Variants in CBX8 observed in about 807,000 individuals in gnomAD.
The protein encoded by CBX8 is chromobox 8.
CBX8 carries 8 observed loss-of-function variants against 39.7 expected under a neutral mutation model. The ratio of observed to expected loss-of-function variants is 0.20; its 90% confidence interval spans 0.12 to 0.36. The LOEUF is 0.36. Among genes scored for constraint, CBX8 ranks in the 10% least tolerant of loss-of-function variants. CBX8 has a pLI of 1.00. For synonymous variants in CBX8, 268 were observed against 219.8 expected, an observed-to-expected ratio of 1.22 and a Z score of -1.94; for missense variants, 505 against 529.6, an observed-to-expected ratio of 0.95 and a Z score of 0.46.
rs948689373 is a variant in CBX8 at position 79,793,020 on chromosome 17, G to A, written c.*1615C>T. The A allele has an allele frequency of 3.3e-5, 5 of 152,278 alleles. No individual in the cohort carries two copies. Among genetic ancestry groups the A allele is most frequent in the African/African-American group, 1.2e-4 (5 of 41,466 alleles). The allele number at this position is 152,278 out of a possible 1,614,324, so 9.4% of individuals were successfully genotyped here. A position where few individuals can be genotyped will look rare whatever the true frequency, so the allele number is the denominator to read the frequency against. ...GATCTTCGCTGGCCCTTTAAGGGCG[G>A]GGAGGGCAGGGAGGCTGCGGGATCC... On this transcript the variant is annotated 3_prime_UTR_variant, in exon 5 of 5. Coordinates refer to ENST00000269385, the MANE Select transcript of CBX8 (RefSeq NM_020649.3).
At position 79,794,518 on chromosome 17, in the gene CBX8, T is replaced by C; in HGVS notation, c.*117A>G. Reference sequence around the variant, plus strand: ...ATGAAAGGGGCTGGTGGGGTGGGGGTGACATCAGGGACGGGACCAGCCAAA... The same window carrying C: ...ATGAAAGGGGCTGGTGGGGTGGGGGCGACATCAGGGACGGGACCAGCCAAA... On this transcript the variant is annotated 3_prime_UTR_variant, in exon 5 of 5. Coordinates refer to ENST00000269385, the MANE Select transcript of CBX8 (RefSeq NM_020649.3). The C allele has an allele frequency of 1.5e-6, 1 of 659,218 alleles. No individual in the cohort carries two copies. Among genetic ancestry groups the C allele is most frequent in the Non-Finnish European group, 2.5e-6 (1 of 399,528 alleles). The allele number at this position is 659,218 out of a possible 1,614,324, so 40.8% of individuals were successfully genotyped here.
Position 79,795,691 on chromosome 17 carries a change from G to T in CBX8, c.247-133C>A, listed in dbSNP as rs1375580587. 3.4e-6 allele frequency: 1 copy of T among 292,606 alleles called. No homozygotes were observed. The highest frequency in any genetic ancestry group is 5.2e-5 in the Admixed American group (1 of 19,382). 18.1% of individuals were successfully genotyped at this position (292,606 alleles called of 1,614,324 possible). On this transcript the variant is annotated intron_variant, in intron 4 of 4. Coordinates refer to ENST00000269385, the MANE Select transcript of CBX8 (RefSeq NM_020649.3). This position sits in a 1 kb window ranked among gnomAD's most constrained non-coding sequence, Gnocchi z 5.8. ...TTCTACATGGATGCATGGATGGGTG[G>T]GTGGGTGGGTGGGTGGATGGCTGGA...
rs546397320 is a variant in CBX8 at position 79,796,556 on chromosome 17, C to A, written c.70-16G>T. 7.2e-5 allele frequency: 117 copies of A among 1,614,002 alleles called. 2 individuals carry two copies. In the South Asian group the frequency reaches 1.2e-3, roughly 17 times the overall value. On this transcript the variant is annotated splice_polypyrimidine_tract_variant and intron_variant, in intron 1 of 4. Transcript: ENST00000269385. ...CCATGCGTCCCTGCGGGTGCAAAGGCGATAATGTGTGTGCATGGGGAGAAA... is the reference window on the plus strand; with the variant it reads ...CCATGCGTCCCTGCGGGTGCAAAGGAGATAATGTGTGTGCATGGGGAGAAA...
chr17:79,796,677 C>G (rs915156156), intron 1 of CBX8, 137 bp from the exon 2 acceptor site: 2 of 971,702 alleles, frequency 2.1e-6, no homozygotes, highest in Non-Finnish European at 3.3e-6. Context: ...CTGCATCACC[C>G]CTGCACCTAA....
Position 79,794,819 on chromosome 17 carries a change from C to G in CBX8, c.986G>C (p.Gly329Ala). The change falls in exon 5 of 5, where the codon GGA (glycine) becomes GCA (alanine). Residue 329 changes from glycine to alanine, a missense_variant. This residue lies in a region of CBX8 where 456 missense variants were observed against 389.2 expected (regional missense o/e 1.17). Transcript: ENST00000269385. ...GATCCTGGCGATGAGGGAGGGCCTT[C>G]CCCCCTGGGCCCCCATGTCCCGGTA... Reference protein sequence around the residue: ...GLYRDMGAQGGRPSLIARIPV... With the variant: ...GLYRDMGAQGARPSLIARIPV... The G allele has an allele frequency of 1.2e-6, 2 of 1,608,330 alleles. No homozygotes were observed. Among genetic ancestry groups the G allele is most frequent in the Non-Finnish European group, 1.7e-6 (2 of 1,177,170 alleles).
rs1300271679 is a variant in CBX8 at position 79,794,420 on chromosome 17, A to G, written c.*215T>C. On this transcript the variant is annotated 3_prime_UTR_variant, in exon 5 of 5. Transcript: ENST00000269385. ...TATTTAGATATTTTTCTTAAATAACATATTTACATCTAATAGAAAATATAA... is the reference window on the plus strand; with the variant it reads ...TATTTAGATATTTTTCTTAAATAACGTATTTACATCTAATAGAAAATATAA... The G allele has an allele frequency of 1.7e-5, 6 of 351,756 alleles. No homozygotes were observed. The highest frequency in any genetic ancestry group is 2.5e-5 in the Non-Finnish European group (5 of 196,546). 21.8% of individuals were successfully genotyped at this position (351,756 alleles called of 1,614,324 possible).
chr17:79,795,014 G>A lies in CBX8; in HGVS notation c.791C>T (p.Thr264Ile). The change falls in exon 5 of 5, where the codon ACC becomes ATC. Residue 264 changes from threonine to isoleucine, a missense_variant. Coordinates refer to ENST00000269385, the MANE Select transcript of CBX8 (RefSeq NM_020649.3). The surrounding 1 kb of genome is among the most constrained non-coding windows in gnomAD (Gnocchi z 5.8). ...QDSDLVQCGV[T>I]SPSSAEATGK... ...CGTGGCCTCAGCTGAGCTAGGGCTG[G>A]TCACACCACACTGCACCAGGTCCGA... is the stretch of plus-strand genomic sequence containing the variant. 6.2e-7 allele frequency: 1 copy of A among 1,607,100 alleles called. No individual in the cohort carries two copies. The highest frequency in any genetic ancestry group is 8.5e-7 in the Non-Finnish European group (1 of 1,176,414).
At position 79,795,508 on chromosome 17, in the gene CBX8, G is replaced by A. The variant is rs1161985792; in HGVS notation, c.297C>T (p.Ala99=). Residue 99 remains alanine, a synonymous_variant, in exon 5 of 5, where the codon GCC becomes GCT. Transcript: ENST00000269385. The surrounding 1 kb of genome is among the most constrained non-coding windows in gnomAD (Gnocchi z 5.8). The part of the protein sequence containing the change: ...AKTYEFRSDS[A]RGIRIPYPGR... ...CAGGGTAGGGGATCCGGATGCCCCT[G>A]GCTGAGTCACTTCGAAACTCGTAAG... is the stretch of plus-strand genomic sequence containing the variant. The A allele has an allele frequency of 6.5e-7, 1 of 1,547,676 alleles. No individual in the cohort carries two copies. Among genetic ancestry groups the A allele is most frequent in the South Asian group, 1.2e-5 (1 of 80,658 alleles).
chr17:79,796,665 CGCT>C lies in CBX8; in HGVS notation c.70-128_70-126del. On this transcript the variant is annotated intron_variant, in intron 1 of 4. Coordinates refer to ENST00000269385, the MANE Select transcript of CBX8 (RefSeq NM_020649.3). ...AACCCCGCCGCAAAAGGCACGCGCC[CGCT>C]GCATCACCCCTGCACCTAATGCTGC... The C allele has an allele frequency of 2.8e-6, 3 of 1,064,146 alleles. No homozygotes were observed. The South Asian group carries it at 3.8e-5, about 14-fold the overall frequency. The allele number at this position is 1,064,146 out of a possible 1,614,324, so 65.9% of individuals were successfully genotyped here. A position where few individuals can be genotyped will look rare whatever the true frequency, so the allele number is the denominator to read the frequency against.
rs1450735053 is a variant in CBX8 at position 79,795,366 on chromosome 17, G to A, written c.439C>T (p.Pro147Ser). Residue 147 changes from proline to serine, a missense_variant, in exon 5 of 5, where the codon CCT (proline) becomes TCT (serine). This residue lies in a region of CBX8 where 456 missense variants were observed against 389.2 expected (regional missense o/e 1.17). Coordinates refer to ENST00000269385, the MANE Select transcript of CBX8 (RefSeq NM_020649.3). The surrounding 1 kb of genome is among the most constrained non-coding windows in gnomAD (Gnocchi z 5.8). The part of the protein sequence containing the change: ...STSSTCRAEA[P>S]RDRDRDRDRD... Reference sequence around the variant, plus strand: ...TCCCGGTCTCGGTCCCGGTCCCGAGGGGCCTCTGCGCGGCAGGTGCTGCTG... The same window carrying A: ...TCCCGGTCTCGGTCCCGGTCCCGAGAGGCCTCTGCGCGGCAGGTGCTGCTG... The A allele has an allele frequency of 5.0e-6, 8 of 1,596,232 alleles. No homozygotes were observed. Among genetic ancestry groups the A allele is most frequent in the Non-Finnish European group, 6.8e-6 (8 of 1,172,000 alleles).
At position 79,795,450 on chromosome 17, in the gene CBX8, G is replaced by A. The variant is rs748554256; in HGVS notation, c.355C>T (p.Arg119Trp). ...RSPQDLASTS[R>W]AREGLRNMGL... Reference sequence around the variant, plus strand: ...ATGTTTCGAAGGCCCTCCCGGGCCCGGGAAGTGGAGGCCAGGTCCTGGGGC... The same window carrying A: ...ATGTTTCGAAGGCCCTCCCGGGCCCAGGAAGTGGAGGCCAGGTCCTGGGGC... Residue 119 changes from arginine to tryptophan, a missense_variant, in exon 5 of 5, where the codon CGG becomes TGG. This residue lies in a region of CBX8 where 456 missense variants were observed against 389.2 expected (regional missense o/e 1.17). Transcript: ENST00000269385. This position sits in a 1 kb window ranked among gnomAD's most constrained non-coding sequence, Gnocchi z 5.8. 9.3e-6 allele frequency: 15 copies of A among 1,605,966 alleles called. No homozygotes were observed. The highest frequency in any genetic ancestry group is 2.7e-5 in the African/African-American group (2 of 74,828).
chr17:79,794,980 C>T lies in CBX8; in HGVS notation c.825G>A (p.Leu275=). 1 of 1,605,694 alleles carries T rather than the reference C, an allele frequency of 6.2e-7. No homozygotes were observed. The highest frequency in any genetic ancestry group is 8.5e-7 in the Non-Finnish European group (1 of 1,175,482). ...CCCTGGCCGGGAAGGTGTCCACAGC[C>T]AGTTTGCCCGTGGCCTCAGCTGAGC... The part of the protein sequence containing the change: ...SPSSAEATGK[L]AVDTFPARVI... Residue 275 remains leucine, a synonymous_variant, in exon 5 of 5, where the codon CTG becomes CTA. Transcript: ENST00000269385.
chr17:79,795,328 C>CTCCCGGTCCCTATCCCGGTCTCGG lies in CBX8; in HGVS notation c.453_476dup (p.Asp151_Arg158dup), dbSNP rs781363870. 6.3e-7 allele frequency: 1 copy of CTCCCGGTCCCTATCCCGGTCTCGG among 1,582,542 alleles called. No individual in the cohort carries two copies. Among genetic ancestry groups the CTCCCGGTCCCTATCCCGGTCTCGG allele is most frequent in the Admixed American group, 1.8e-5 (1 of 54,420 alleles). On this transcript the variant is annotated inframe_insertion, in exon 5 of 5. Transcript: ENST00000269385. The surrounding 1 kb of genome is among the most constrained non-coding windows in gnomAD (Gnocchi z 5.8). ...GCTCCCTCTCCCTTTCTCGATCCCG[C>CTCCCGGTCCCTATCCCGGTCTCGG]TCCCGGTCCCTATCCCGGTCTCGGT...
rs377225412 is a variant in CBX8, at chr17:79,795,290, C to T, written c.515G>A (p.Arg172Gln). Residue 172 changes from arginine to glutamine, a missense_variant, in exon 5 of 5, where the codon CGG (arginine) becomes CAG (glutamine). Around this residue, in one of 3 missense-constraint regions of CBX8, gnomAD observed 456 missense variants for 389.2 expected, o/e 1.17. Coordinates refer to ENST00000269385, the MANE Select transcript of CBX8 (RefSeq NM_020649.3). The surrounding 1 kb of genome is among the most constrained non-coding windows in gnomAD (Gnocchi z 5.8). ...CCGCTCTCGTTCCCTCTCACGTTCC[C>T]GCTCCCTCTCTCGCTCCCTCTCCCT... ...RERERERERE[R>Q]ERERERERGT... The T allele has an allele frequency of 1.3e-6, 2 of 1,596,520 alleles. No homozygotes were observed. The highest frequency in any genetic ancestry group is 1.7e-6 in the Non-Finnish European group (2 of 1,171,482).
chr17:79,795,941 C>G lies in CBX8; in HGVS notation c.246+116G>C. The G allele has an allele frequency of 2.2e-6, 2 of 917,082 alleles. No individual in the cohort carries two copies. The highest frequency in any genetic ancestry group is 3.5e-6 in the Non-Finnish European group (2 of 573,002). 56.8% of individuals were successfully genotyped at this position (917,082 alleles called of 1,614,324 possible). A position where few individuals can be genotyped will look rare whatever the true frequency, so the allele number is the denominator to read the frequency against. On this transcript the variant is annotated intron_variant, in intron 4 of 4. Transcript: ENST00000269385. This position sits in a 1 kb window ranked among gnomAD's most constrained non-coding sequence, Gnocchi z 5.8. ...TGACATCTTGTCAGGGAACTCCCTCCTACATTACAAATAGGCAACATGTGT... is the reference window on the plus strand; with the variant it reads ...TGACATCTTGTCAGGGAACTCCCTCGTACATTACAAATAGGCAACATGTGT...
In CBX8 at chr17:79,794,824, C is replaced by G. The variant is rs1040551439; in HGVS notation, c.981G>C (p.Gln327His). 3 of 1,610,354 alleles carry G rather than the reference C, an allele frequency of 1.9e-6. No individual in the cohort carries two copies. In the Admixed American group the frequency reaches 5.1e-5, roughly 27 times the overall value. The change falls in exon 5 of 5, where the codon CAG becomes CAC. Residue 327 changes from glutamine (Q) to histidine (H), a missense_variant. Transcript: ENST00000269385. ...TGGCGATGAGGGAGGGCCTTCCCCC[C>G]TGGGCCCCCATGTCCCGGTACAGGC... ...GGGLYRDMGA[Q>H]GGRPSLIARI...
chr17:79,795,235 G>A lies in CBX8; in HGVS notation c.570C>T (p.Ser190=), dbSNP rs769294776. ...RGTSRVDDKP[S]SPGDSSKKRG... is the part of the protein sequence containing the mutation. ...GCTTCTTCGAGCTGTCCCCCGGTGAGCTGGGCTTGTCATCCACTCTGCTGG... is the reference window on the plus strand; with the variant it reads ...GCTTCTTCGAGCTGTCCCCCGGTGAACTGGGCTTGTCATCCACTCTGCTGG... The change falls in exon 5 of 5, where the codon AGC becomes AGT. Residue 190 remains serine, a synonymous_variant. Coordinates refer to ENST00000269385, the MANE Select transcript of CBX8 (RefSeq NM_020649.3). This position sits in a 1 kb window ranked among gnomAD's most constrained non-coding sequence, Gnocchi z 5.8. 5.6e-6 allele frequency: 9 copies of A among 1,612,622 alleles called. No individual in the cohort carries two copies. In the Admixed American group the frequency reaches 1.5e-4, roughly 27 times the overall value.
Position 79,796,875 on chromosome 17 carries a change from G to A in CBX8, c.69+55C>T, listed in dbSNP as rs977952701. The A allele has an allele frequency of 4.6e-5, 69 of 1,505,050 alleles. No homozygotes were observed. The Admixed American group carries it at 1.2e-3, about 27-fold the overall frequency. The allele number at this position is 1,505,050 out of a possible 1,614,324, so 93.2% of individuals were successfully genotyped here. ...GGGCTGCAGCAGGGGGAGGGAACCCGGGCCGGGAGGGGAGGGCCCGGCCGC... is the reference window on the plus strand; with the variant it reads ...GGGCTGCAGCAGGGGGAGGGAACCCAGGCCGGGAGGGGAGGGCCCGGCCGC... On this transcript the variant is annotated intron_variant, in intron 1 of 4. Coordinates refer to ENST00000269385, the MANE Select transcript of CBX8 (RefSeq NM_020649.3).
chr17:79,796,468 G>A lies in CBX8; in HGVS notation c.113+29C>T, dbSNP rs1200292076. 4.3e-6 allele frequency: 7 copies of A among 1,613,668 alleles called. No individual in the cohort carries two copies. The East Asian group carries it at 1.1e-4, about 26-fold the overall frequency. On this transcript the variant is annotated intron_variant, in intron 2 of 4. Coordinates refer to ENST00000269385, the MANE Select transcript of CBX8 (RefSeq NM_020649.3). ...AAGAAACCTCCCGAATAACAGTCTG[G>A]GGTTGAGAATTGCATATAACCTACT... is the stretch of plus-strand genomic sequence containing the variant.
Sources: gnomAD v4.1 joint callset for allele counts on GRCh38, gnomAD v4.1.1 for gene constraint, gnomAD v4.1.1 regional missense constraint, Gnocchi (gnomAD v3.1) non-coding constraint, MANE v1.5 for transcripts, NCBI Gene and HGNC (gene_info 2026-07-23, HGNC 2026-07-21) for gene names.